The following CPNE8 variants were observed in gnomAD, a reference collection of about 807,000 sequenced individuals.
The protein encoded by CPNE8 is copine-8.
Under a neutral mutation model 81.5 loss-of-function variants are expected in CPNE8, and 45 were observed. That is an observed-to-expected ratio of 0.55 (90% CI 0.44 to 0.71). The LOEUF (loss-of-function observed/expected upper bound fraction) is 0.71. CPNE8 is among the 30% of genes least tolerant of loss of function. CPNE8 has a pLI of 0.00. For missense variants in CPNE8, 594 were observed against 672.1 expected (o/e 0.88, Z 1.28); for synonymous variants, 252 against 226.3 (o/e 1.11, Z -1.02).
intron 5 of CPNE8, among the ~76,000 whole-genome samples, chr12:38,833,624 A>G (rs1191268288): frequency 4.0e-5 from 6 of 151,342 alleles, no homozygotes; most frequent in Admixed American, 2.0e-4. Flanking sequence ...GACTACAGGC[A>G]CTCGTCACCA....
At chr12:38,895,719 A>G (rs1592162060) in intron 1 of CPNE8, among the ~76,000 whole-genome samples, 2 of 152,240 alleles carry the variant, frequency 1.3e-5, no homozygotes, top group Middle Eastern at 3.4e-3. Context: ...TGTTGATATG[A>G]TCTATTATAA....
At chr12:38,797,499 G>C (rs1056115068) in intron 6 of CPNE8, among the ~76,000 whole-genome samples, 11 of 152,108 alleles carry the variant, frequency 7.2e-5, no homozygotes, top group Non-Finnish European at 1.2e-4. Flanking sequence ...CTGTCTGTTA[G>C]AAGGAAAACT....
chr12:38,717,611 G>A lies in CPNE8; in HGVS notation c.914+6161C>T, dbSNP rs559232144. 7.9e-5 allele frequency among the ~76,000 whole-genome samples: 12 copies of A among 151,462 alleles called. No homozygotes were observed. The East Asian group carries it at 2.3e-3, about 29-fold the overall frequency. On this transcript the variant is annotated intron_variant, in intron 13 of 19. Transcript: ENST00000331366. ...CACTTATACGCAGAAGGTAAGCTAT[G>A]GTAACACAAAGGCATAAGAATGATA...
intron 3 of CPNE8, among the ~76,000 whole-genome samples, chr12:38,850,865 C>T (rs1333588347): frequency 6.6e-6 from 1 of 152,178 alleles, no homozygotes; most frequent in Non-Finnish European, 1.5e-5. Context: ...TTCATCTGTT[C>T]CTGCTATAGT....
intron 3 of CPNE8, among the ~76,000 whole-genome samples, chr12:38,852,522 A>C (rs1943663001): frequency 6.6e-6 from 1 of 151,948 alleles, no homozygotes; most frequent in Non-Finnish European, 1.5e-5. Context: ...GAATCACTTG[A>C]ACCTAGGAGG....
intron 6 of CPNE8, among the ~76,000 whole-genome samples, chr12:38,814,181 C>T (rs1942983808): frequency 6.6e-6 from 1 of 151,604 alleles, no homozygotes; most frequent in Non-Finnish European, 1.5e-5. Flanking sequence ...TACCGAAATG[C>T]AAAGCTTTGA....
chr12:38,861,668 A>G (rs1943837554), intron 3 of CPNE8, among the ~76,000 whole-genome samples: 1 of 152,128 alleles, frequency 6.6e-6, no homozygotes, highest in South Asian at 2.1e-4. Flanking sequence ...ATAAAAATGG[A>G]ATAATATATT....
intron 13 of CPNE8, among the ~76,000 whole-genome samples, chr12:38,710,984 A>G (rs1045075018): frequency 2.0e-5 from 3 of 152,086 alleles, no homozygotes; most frequent in African/African-American, 7.2e-5. Flanking sequence ...ATTGCCCACC[A>G]CTGTGAAACT....
chr12:38,761,762 A>C (rs1030414560), intron 9 of CPNE8, among the ~76,000 whole-genome samples: 1 of 152,208 alleles, frequency 6.6e-6, no homozygotes, highest in East Asian at 1.9e-4. Flanking sequence ...ATAACTATGG[A>C]ACTTTTGTGA....
At chr12:38,712,147 G>A (rs1378808625) in intron 13 of CPNE8, among the ~76,000 whole-genome samples, 1 of 150,538 alleles carries the variant, frequency 6.6e-6, no homozygotes, top group Non-Finnish European at 1.5e-5. Flanking sequence ...AGTGTTGCAT[G>A]TTCTGGCCAG....
chr12:38,684,925 A>C (rs1939498699), intron 16 of CPNE8, among the ~76,000 whole-genome samples: 1 of 152,178 alleles, frequency 6.6e-6, no homozygotes. Context: ...ACATTTTAAC[A>C]TTTTCTTCAG....
chr12:38,673,669 C>T (rs1939228918), intron 18 of CPNE8, among the ~76,000 whole-genome samples: 1 of 152,110 alleles, frequency 6.6e-6, no homozygotes, highest in East Asian at 1.9e-4. Flanking sequence ...AGCCTAATTC[C>T]CTGTTCCCAT....
At chr12:38,713,155 C>G (rs1940302423) in intron 13 of CPNE8, among the ~76,000 whole-genome samples, 1 of 152,202 alleles carries the variant, frequency 6.6e-6, no homozygotes, top group African/African-American at 2.4e-5. Context: ...TTCTTTGCCA[C>G]TACTATACAA....
At chr12:38,789,402 C>T (rs531071564) in intron 6 of CPNE8, among the ~76,000 whole-genome samples, 1 of 151,836 alleles carries the variant, frequency 6.6e-6, no homozygotes, top group South Asian at 2.1e-4. Context: ...TATCCATATG[C>T]AAAAGAATGA....
intron 10 of CPNE8, 64 bp from the exon 11 acceptor site, chr12:38,730,422 GT>G: frequency 1.1e-6 from 1 of 903,998 alleles, no homozygotes. Flanking sequence ...GTATTTTAAA[GT>G]TTTTAGAAAG....
At chr12:38,897,940 A>T (rs1944411154) in intron 1 of CPNE8, among the ~76,000 whole-genome samples, 1 of 152,166 alleles carries the variant, frequency 6.6e-6, no homozygotes, top group Admixed American at 6.6e-5. Flanking sequence ...TGAGGAACAG[A>T]TGTTTCAAAG....
chr12:38,823,635 T>G (rs1367114170), intron 6 of CPNE8, among the ~76,000 whole-genome samples: 1 of 152,174 alleles, frequency 6.6e-6, no homozygotes, highest in Non-Finnish European at 1.5e-5. Context: ...AGTGCCTGCC[T>G]TTTTCCCTGA....
At chr12:38,889,422 C>T (rs1371294103) in intron 1 of CPNE8, among the ~76,000 whole-genome samples, 1 of 152,046 alleles carries the variant, frequency 6.6e-6, no homozygotes, top group East Asian at 1.9e-4. Context: ...ACAGTGTGAA[C>T]ATCATGGTTT....
At chr12:38,853,015 T>C (rs1274318713) in intron 3 of CPNE8, among the ~76,000 whole-genome samples, 1 of 152,226 alleles carries the variant, frequency 6.6e-6, no homozygotes, top group Non-Finnish European at 1.5e-5. Flanking sequence ...GCAGTTTTCC[T>C]GTTTTTAGTT....
Sources: gnomAD v4.1 joint callset for allele counts (sites outside exome capture counted in the v4.1 genomes callset) on GRCh38, gnomAD v4.1.1 for gene constraint, MANE v1.5 for transcripts, NCBI Gene and HGNC (gene_info 2026-07-23, HGNC 2026-07-21) for gene names.